DPYSL2: variants seen among roughly 807,000 people sequenced by gnomAD.
The protein encoded by DPYSL2 is dihydropyrimidinase-related protein 2.
A neutral mutation model predicts 69.9 loss-of-function variants in DPYSL2; 13 were observed. The observed-to-expected ratio is 0.19, with a 90% CI of 0.12 to 0.30. DPYSL2 has a LOEUF of 0.30. Among genes scored for constraint, DPYSL2 ranks in the 10% least tolerant of loss-of-function variants. The pLI, the probability that DPYSL2 is intolerant of heterozygous loss-of-function variation, is 1.00. For missense variants in DPYSL2, 587 were observed against 918.9 expected (o/e 0.64, Z 4.67); for synonymous variants, 326 against 359.1 (o/e 0.91, Z 1.04).
chr8:26,586,537 G>A lies in DPYSL2; in HGVS notation c.628+2554G>A, dbSNP rs1377321508. 6.6e-6 allele frequency among the ~76,000 whole-genome samples: 1 copy of A among 152,138 alleles called. No homozygotes were observed. The highest frequency in any genetic ancestry group is 1.5e-5 in the Non-Finnish European group (1 of 68,020). On this transcript the variant is annotated intron_variant, in intron 3 of 13. Transcript: ENST00000521913. This position sits in a 1 kb window ranked among gnomAD's most constrained non-coding sequence, Gnocchi z 4.7. ...TGCTTAGGCCCCCACTCTTGTTCTT[G>A]TTTTTGACTCTTTCCTGCCTTCCCT...
Position 26,582,558 on chromosome 8 carries a change from T to C in DPYSL2, c.443+501T>C, listed in dbSNP as rs1275349133. ...TACTGCCTAAATCCTGAGGGAATTTTAGGTTTTATTCTAAGTGGCAACTAG... is the reference window on the plus strand; with the variant it reads ...TACTGCCTAAATCCTGAGGGAATTTCAGGTTTTATTCTAAGTGGCAACTAG... On this transcript the variant is annotated intron_variant, in intron 2 of 13. Coordinates refer to ENST00000521913, the MANE Select transcript of DPYSL2 (RefSeq NM_001197293.3). The surrounding 1 kb of genome is among the most constrained non-coding windows in gnomAD (Gnocchi z 4.1). 2.0e-5 allele frequency among the ~76,000 whole-genome samples: 3 copies of C among 152,232 alleles called. No individual in the cohort carries two copies. Among genetic ancestry groups the C allele is most frequent in the Admixed American group, 2.0e-4 (3 of 15,288 alleles).
rs951857632 is a variant in DPYSL2 at position 26,648,782 on chromosome 8, C to T, written c.1596+982C>T. On this transcript the variant is annotated intron_variant, in intron 11 of 13. Transcript: ENST00000521913. The surrounding 1 kb of genome is among the most constrained non-coding windows in gnomAD (Gnocchi z 4.3). ...GGACTTTGCCCTGTCCCAGTCCTCT[C>T]TCATTTGCACACACAGAGGTGTTTG... 6.6e-6 allele frequency among the ~76,000 whole-genome samples: 1 copy of T among 152,256 alleles called. No homozygotes were observed. Among genetic ancestry groups the T allele is most frequent in the Admixed American group, 6.5e-5 (1 of 15,286 alleles).
chr8:26,636,957 G>A (rs1179900030), intron 8 of DPYSL2, among the ~76,000 whole-genome samples: 9 of 152,074 alleles, frequency 5.9e-5, no homozygotes, highest in Admixed American at 4.6e-4. Context: ...GACCAGGCTG[G>A]TCTGGAACTC....
chr8:26,524,864 C>A (rs1808451903), intron 1 of DPYSL2, among the ~76,000 whole-genome samples: 1 of 135,498 alleles, frequency 7.4e-6, no homozygotes, highest in South Asian at 2.5e-4. Context: ...TTTCAATATT[C>A]CTGACATCAC....
intron 1 of DPYSL2, among the ~76,000 whole-genome samples, chr8:26,544,869 A>G (rs1322130661): frequency 2.0e-5 from 3 of 152,256 alleles, no homozygotes; most frequent in Non-Finnish European, 4.4e-5. Flanking sequence ...TACTTATATC[A>G]GACAAAATAG....
At chr8:26,618,076 G>C (rs995486310) in intron 3 of DPYSL2, among the ~76,000 whole-genome samples, 4 of 152,120 alleles carry the variant, frequency 2.6e-5, no homozygotes, top group Non-Finnish European at 5.9e-5. Flanking sequence ...CATAATAAGA[G>C]GAATAGTCCT....
chr8:26,531,159 G>A (rs576340193), intron 1 of DPYSL2, among the ~76,000 whole-genome samples: 8 of 152,184 alleles, frequency 5.3e-5, no homozygotes, highest in African/African-American at 1.9e-4. Context: ...TTGGGGATTA[G>A]GTTTTCAATA....
rs544458855 is a variant in DPYSL2 at position 26,571,895 on chromosome 8, C to T, written c.355-10074C>T. ...TTCAGAGCTACACACACAAAGAAAA[C>T]GATCGTCATTGCCTGATTCCATCTG... is the stretch of plus-strand genomic sequence containing the variant. On this transcript the variant is annotated intron_variant, in intron 1 of 13. Coordinates refer to ENST00000521913, the MANE Select transcript of DPYSL2 (RefSeq NM_001197293.3). The surrounding 1 kb of genome is among the most constrained non-coding windows in gnomAD (Gnocchi z 6.1). Among the ~76,000 whole-genome samples the T allele has an allele frequency of 1.2e-4, 19 of 152,346 alleles. No individual in the cohort carries two copies. Among genetic ancestry groups the T allele is most frequent in the East Asian group, 7.7e-4 (4 of 5,180 alleles).
In DPYSL2 at chr8:26,627,135, C is replaced by T. The variant is rs1802637116; in HGVS notation, c.856-80C>T. The T allele has an allele frequency of 3.7e-6, 5 of 1,352,788 alleles. No homozygotes were observed. The highest frequency in any genetic ancestry group is 4.6e-5 in the East Asian group (2 of 43,442). 83.8% of individuals were successfully genotyped at this position (1,352,788 alleles called of 1,614,324 possible). A position where few individuals can be genotyped will look rare whatever the true frequency, so the allele number is the denominator to read the frequency against. On this transcript the variant is annotated intron_variant, in intron 5 of 13. Transcript: ENST00000521913. This position sits in a 1 kb window ranked among gnomAD's most constrained non-coding sequence, Gnocchi z 6.9. Reference sequence around the variant, plus strand: ...GTCCTGTTTCTCATCCCAGAAATGCCTCTGGTGGGGAGATGATTGTCTTTG... The same window carrying T: ...GTCCTGTTTCTCATCCCAGAAATGCTTCTGGTGGGGAGATGATTGTCTTTG...
In DPYSL2 at chr8:26,619,326, G is replaced by A. The variant is rs1051148219; in HGVS notation, c.629-4817G>A. Among the ~76,000 whole-genome samples, 3 of 152,178 alleles carry A rather than the reference G, an allele frequency of 2.0e-5. No individual in the cohort carries two copies. The highest frequency in any genetic ancestry group is 3.8e-4 in the East Asian group (2 of 5,200). On this transcript the variant is annotated intron_variant, in intron 3 of 13. Transcript: ENST00000521913. This position sits in a 1 kb window ranked among gnomAD's most constrained non-coding sequence, Gnocchi z 4.8. ...ACATTTGGAGGCATTTCATGGACACGTTTCTGAGTGTTATGAGCTCTTGAA... is the reference window on the plus strand; with the variant it reads ...ACATTTGGAGGCATTTCATGGACACATTTCTGAGTGTTATGAGCTCTTGAA...
rs1802301114 is a variant in DPYSL2, at chr8:26,614,355, G to T, written c.629-9788G>T. On this transcript the variant is annotated intron_variant, in intron 3 of 13. Coordinates refer to ENST00000521913, the MANE Select transcript of DPYSL2 (RefSeq NM_001197293.3). The surrounding 1 kb of genome is among the most constrained non-coding windows in gnomAD (Gnocchi z 4.9). ...GAGGGAATGGGAGCGAGAAGGTGGG[G>T]CGTCAGCAACATTCAGCTCCCTCCA... Among the ~76,000 whole-genome samples the T allele has an allele frequency of 6.6e-6, 1 of 152,112 alleles. No individual in the cohort carries two copies. The highest frequency in any genetic ancestry group is 2.4e-5 in the African/African-American group (1 of 41,404).
intron 3 of DPYSL2, among the ~76,000 whole-genome samples, chr8:26,616,689 G>C (rs1434531733): frequency 6.6e-6 from 1 of 152,226 alleles, no homozygotes; most frequent in Non-Finnish European, 1.5e-5. Context: ...AGGGGCTGGC[G>C]GGTACCCGAG....
intron 13 of DPYSL2, among the ~76,000 whole-genome samples, chr8:26,655,225 G>T (rs1563201419): frequency 6.6e-6 from 1 of 152,084 alleles, no homozygotes; most frequent in Non-Finnish European, 1.5e-5. Context: ...GGCCGGGCAG[G>T]GTGGCTCACA....
chr8:26,623,268 C>G (rs1209496300), intron 3 of DPYSL2, among the ~76,000 whole-genome samples: 1 of 152,204 alleles, frequency 6.6e-6, no homozygotes, highest in African/African-American at 2.4e-5. Flanking sequence ...CAGGGCCACA[C>G]TGGTTGGGGT....
intron 7 of DPYSL2, among the ~76,000 whole-genome samples, chr8:26,634,428 CTTTT>C (rs55746168): frequency 2.2e-5 from 2 of 91,146 alleles, no homozygotes; most frequent in Non-Finnish European, 2.1e-5. Context: ...CCATGCCCAG[CTTTT>C]TTTTTTTTTT....
rs1430313777 is a variant in DPYSL2 at position 26,587,496 on chromosome 8, G to A, written c.628+3513G>A. On this transcript the variant is annotated intron_variant, in intron 3 of 13. Transcript: ENST00000521913. The surrounding 1 kb of genome is among the most constrained non-coding windows in gnomAD (Gnocchi z 4.2). ...CGTTTCCCAGGTCACAGGCCCTGGAGACTCCTTTCTGTCTGAAATGGCGCC... is the reference window on the plus strand; with the variant it reads ...CGTTTCCCAGGTCACAGGCCCTGGAAACTCCTTTCTGTCTGAAATGGCGCC... 6.6e-6 allele frequency among the ~76,000 whole-genome samples: 1 copy of A among 152,170 alleles called. No individual in the cohort carries two copies. Among genetic ancestry groups the A allele is most frequent in the Non-Finnish European group, 1.5e-5 (1 of 68,030 alleles).
chr8:26,583,668 A>G (rs1202252017), intron 2 of DPYSL2, 131 bp from the exon 3 acceptor site: 4 of 816,392 alleles, frequency 4.9e-6, no homozygotes, highest in Non-Finnish European at 1.9e-6. Flanking sequence ...TTTATTATGA[A>G]TCGTAACAAT....
At chr8:26,628,085 G>T (rs1052082653) in intron 7 of DPYSL2, 145 bp downstream of exon 7, 7 of 785,966 alleles carry the variant, frequency 8.9e-6, no homozygotes, top group Non-Finnish European at 1.4e-5. Flanking sequence ...TCACGTGTGT[G>T]TCTGTCTGTC....
chr8:26,567,774 C>T (rs920779960), intron 1 of DPYSL2, among the ~76,000 whole-genome samples: 5 of 152,254 alleles, frequency 3.3e-5, no homozygotes, highest in Admixed American at 2.0e-4. Context: ...ACAGGGAATG[C>T]GAAGATGGTG....
Sources: allele counts gnomAD v4.1 joint callset (sites outside exome capture counted in the v4.1 genomes callset), GRCh38; gene constraint gnomAD v4.1.1; non-coding constraint Gnocchi (gnomAD v3.1); transcripts MANE v1.5; gene names NCBI Gene and HGNC (gene_info 2026-07-23, HGNC 2026-07-21).